Variants in CACHD1 observed in about 807,000 individuals in gnomAD.
The protein encoded by CACHD1 is VWFA and cache domain-containing protein 1.
Under a neutral mutation model 138.7 loss-of-function variants are expected in CACHD1, and 71 were observed. That is an observed-to-expected ratio of 0.51 (90% CI 0.42 to 0.62). The LOEUF (loss-of-function observed/expected upper bound fraction) is 0.62, where lower values mean the gene tolerates loss of function less well. Among genes scored for constraint, CACHD1 ranks in the 20% least tolerant of loss-of-function variants. The pLI is 0.00. For synonymous variants in CACHD1, 578 were observed against 591.5 expected (o/e 0.98, Z 0.33); for missense variants, 1,389 against 1,625.3 (o/e 0.85, Z 2.50).
intron 4 of CACHD1, among the ~76,000 whole-genome samples, chr1:64,622,509 T>C (rs944768429): frequency 5.9e-5 from 9 of 152,248 alleles, no homozygotes; most frequent in Non-Finnish European, 2.9e-5. Context: ...TTACATTGTA[T>C]GTACAAACTA....
At chr1:64,519,637 C>CACCAGAGTTA (rs1553128826) in intron 1 of CACHD1, among the ~76,000 whole-genome samples, 4 of 144,754 alleles carry the variant, frequency 2.8e-5, no homozygotes, top group African/African-American at 9.8e-5. Flanking sequence ...AGTTCTAGTT[C>CACCAGAGTTA]ACCAGAGTTA....
chr1:64,654,023 C>T lies in CACHD1; in HGVS notation c.1664+142C>T, dbSNP rs12084442. 8.5e-4 allele frequency: 616 copies of T among 722,052 alleles called. 2 individuals carry two copies. The African/African-American group carries it at 1.0e-2, about 12-fold the overall frequency. The allele number at this position is 722,052 out of a possible 1,614,324, so 44.7% of individuals were successfully genotyped here. A position where few individuals can be genotyped will look rare whatever the true frequency, so the allele number is the denominator to read the frequency against. ...TCAAAAGTATTCTCAGTAATGTTTC[C>T]GTAAGAATAGCACCCAAGATTTTGC... On this transcript the variant is annotated intron_variant, in intron 11 of 26. Transcript: ENST00000651257.
At chr1:64,676,830 C>A (rs1222813998) in intron 21 of CACHD1, 65 bp from the exon 22 acceptor site, 2 of 1,305,510 alleles carry the variant, frequency 1.5e-6, no homozygotes, top group Admixed American at 1.8e-5. Flanking sequence ...CTGTTAAGGA[C>A]CAGGAGCATG....
chr1:64,482,097 A>G (rs1372089435), intron 1 of CACHD1, among the ~76,000 whole-genome samples: 1 of 152,278 alleles, frequency 6.6e-6, no homozygotes, highest in East Asian at 1.9e-4. Context: ...TCATGTCTGT[A>G]TTACTGGTAG....
In CACHD1 at chr1:64,557,406, CAT is replaced by C. The variant is rs573175072; in HGVS notation, c.261+6753_261+6754del. 3.3e-4 allele frequency among the ~76,000 whole-genome samples: 50 copies of C among 152,216 alleles called. 1 individual carries two copies. The South Asian group carries it at 9.5e-3, about 29-fold the overall frequency. ...ATAATTTACTCAATGAAATTGCAAA[CAT>C]ATTTTCATAGTGTTTCAGAAACTGT... On this transcript the variant is annotated intron_variant, in intron 2 of 26. Coordinates refer to ENST00000651257, the MANE Select transcript of CACHD1 (RefSeq NM_020925.4).
intron 2 of CACHD1, among the ~76,000 whole-genome samples, chr1:64,574,284 T>C (rs1646949756): frequency 2.6e-5 from 4 of 152,184 alleles, no homozygotes; most frequent in Admixed American, 2.6e-4. Flanking sequence ...AGAGAGAATA[T>C]CTGCTCCGCC....
chr1:64,520,208 A>G (rs1469006237), intron 1 of CACHD1, among the ~76,000 whole-genome samples: 1 of 152,236 alleles, frequency 6.6e-6, no homozygotes, highest in Non-Finnish European at 1.5e-5. Flanking sequence ...TATCAAGGCT[A>G]CACTCTTATT....
rs539463459 is a variant in CACHD1 at position 64,626,697 on chromosome 1, A to G, written c.518-2658A>G. Among the ~76,000 whole-genome samples the G allele has an allele frequency of 7.2e-5, 11 of 152,290 alleles. No homozygotes were observed. In the Middle Eastern group the frequency reaches 0.01, roughly 141 times the overall value. Reference sequence around the variant, plus strand: ...TTTCAAGGTACATACCCAAATGGCAAAAGTCCACCATACTTTGTAGAAGGC... The same window carrying G: ...TTTCAAGGTACATACCCAAATGGCAGAAGTCCACCATACTTTGTAGAAGGC... On this transcript the variant is annotated intron_variant, in intron 4 of 26. Transcript: ENST00000651257.
At chr1:64,612,561 G>A (rs924991570) in intron 4 of CACHD1, among the ~76,000 whole-genome samples, 13 of 152,090 alleles carry the variant, frequency 8.5e-5, no homozygotes, top group African/African-American at 2.9e-4. Context: ...ATGTTTTCAG[G>A]GAAAATGAGT....
At chr1:64,592,856 G>C (rs1388265584) in intron 3 of CACHD1, among the ~76,000 whole-genome samples, 2 of 152,084 alleles carry the variant, frequency 1.3e-5, no homozygotes, top group Non-Finnish European at 2.9e-5. Context: ...AAGGTACAAA[G>C]GTACAAAAGC....
chr1:64,561,391 A>G (rs1321415212), intron 2 of CACHD1, among the ~76,000 whole-genome samples: 2 of 152,236 alleles, frequency 1.3e-5, no homozygotes, highest in Non-Finnish European at 2.9e-5. Context: ...TAATGAAGTT[A>G]AAAGAAAAAA....
chr1:64,481,541 C>T (rs1226047320), intron 1 of CACHD1, among the ~76,000 whole-genome samples: 3 of 152,146 alleles, frequency 2.0e-5, no homozygotes, highest in African/African-American at 7.2e-5. Context: ...AGATAAAAGT[C>T]GCCAAGTATG....
In CACHD1 at chr1:64,549,803, TA is replaced by T. The variant is rs202176801; in HGVS notation, c.199-790del. On this transcript the variant is annotated intron_variant, in intron 1 of 26. Transcript: ENST00000651257. ...AGGCTGCTGCTCTTTTTATTTTTTTTATTTTTTTGCTCCTCTAGCAGATACA... is the reference window on the plus strand; with the variant it reads ...AGGCTGCTGCTCTTTTTATTTTTTTTTTTTTTTGCTCCTCTAGCAGATACA... Among the ~76,000 whole-genome samples, 521 of 145,162 alleles carry T rather than the reference TA, an allele frequency of 3.6e-3. 5 individuals are homozygous for T. The highest frequency in any genetic ancestry group is 0.018 in the East Asian group (87 of 4,918).
chr1:64,501,709 TC>T (rs1174964915), intron 1 of CACHD1, among the ~76,000 whole-genome samples: 2 of 152,200 alleles, frequency 1.3e-5, no homozygotes, highest in Non-Finnish European at 2.9e-5. Context: ...TCAGTACCTT[TC>T]TCTCTGCAAG....
chr1:64,663,908 A>C (rs544914301), intron 14 of CACHD1, 71 bp downstream of exon 14: 24 of 1,590,970 alleles, frequency 1.5e-5, no homozygotes, highest in Non-Finnish European at 1.8e-5. Flanking sequence ...CTGGCAGTGA[A>C]CCTTTGAAGT....
chr1:64,472,445 T>G (rs1646151468), intron 1 of CACHD1, among the ~76,000 whole-genome samples: 1 of 152,226 alleles, frequency 6.6e-6, no homozygotes, highest in African/African-American at 2.4e-5. Flanking sequence ...GGATGGATTT[T>G]GAAAGGTAAT....
intron 2 of CACHD1, among the ~76,000 whole-genome samples, chr1:64,559,199 TG>T (rs1646820595): frequency 1.3e-5 from 2 of 152,352 alleles, no homozygotes; most frequent in African/African-American, 4.8e-5. Context: ...TGTGTGCGAA[TG>T]TTCATTGCCA....
chr1:64,647,874 G>A lies in CACHD1; in HGVS notation c.1230G>A (p.Val410=), dbSNP rs761216983. The A allele has an allele frequency of 3.1e-6, 5 of 1,614,162 alleles. No homozygotes were observed. Among genetic ancestry groups the A allele is most frequent in the Non-Finnish European group, 4.2e-6 (5 of 1,180,014 alleles). ...AACAGAATTCAGGGAAGTACGGTGT[G>A]CCAGACCGGATGGCCTTGCCTGTGA... ...LAEQNSGKYG[V]PDRMALPVIK... Residue 410 remains valine (V), a synonymous_variant, in exon 9 of 27, where the codon GTG becomes GTA. Coordinates refer to ENST00000651257, the MANE Select transcript of CACHD1 (RefSeq NM_020925.4).
chr1:64,640,384 T>C (rs1224389196), intron 7 of CACHD1, among the ~76,000 whole-genome samples: 1 of 152,012 alleles, frequency 6.6e-6, no homozygotes, highest in African/African-American at 2.4e-5. Flanking sequence ...GTCCTAAAAA[T>C]TTTTATTGAG....
Sources: gnomAD v4.1 joint callset for allele counts (sites outside exome capture counted in the v4.1 genomes callset) on GRCh38, gnomAD v4.1.1 for gene constraint, MANE v1.5 for transcripts, NCBI Gene and HGNC (gene_info 2026-07-23, HGNC 2026-07-21) for gene names.